The following S100Z variants were observed in gnomAD, a reference collection of about 807,000 sequenced individuals.
S100Z encodes S100 calcium binding protein Z.
In S100Z, 11 loss-of-function variants were observed where a neutral mutation model predicts 8.5. The ratio of observed to expected loss-of-function variants is 1.30; its 90% confidence interval spans 0.82 to 2.15. The LOEUF is 2.15. Among genes scored for constraint, S100Z ranks in the 30% most tolerant of loss-of-function variants. The pLI is 0.00. For synonymous variants in S100Z, 34 were observed against 43.8 expected (o/e 0.78, Z 0.89); for missense variants, 126 against 117.9 (o/e 1.07, Z -0.32).
intron 4 of S100Z, among the ~76,000 whole-genome samples, chr5:76,886,841 C>T (rs1042570319): frequency 1.4e-4 from 22 of 152,050 alleles, no homozygotes; most frequent in Admixed American, 6.5e-4. Context: ...AGGGTTGGGG[C>T]GATTACAAAG....
chr5:76,926,757 A>G, the S100Z span, among the ~76,000 whole-genome samples: 1 of 152,248 alleles, frequency 6.6e-6, no homozygotes, highest in Non-Finnish European at 1.5e-5. Context: ...TTCTCTTCTC[A>G]GGAATTGACA....
At chr5:76,932,778 C>G in the S100Z span, among the ~76,000 whole-genome samples, 1 of 152,020 alleles carries the variant, frequency 6.6e-6, no homozygotes, top group Non-Finnish European at 1.5e-5. Context: ...ATTTTTTCAT[C>G]AACGCTTTAA....
the S100Z span, among the ~76,000 whole-genome samples, chr5:76,941,325 G>A: frequency 1.3e-5 from 2 of 152,060 alleles, no homozygotes; most frequent in Non-Finnish European, 2.9e-5. Context: ...GGAGGGACCC[G>A]GCAGGAAGTA....
At chr5:76,919,798 C>T (rs998268039) in intron 4 of S100Z, among the ~76,000 whole-genome samples, 1 of 151,714 alleles carries the variant, frequency 6.6e-6, no homozygotes, top group Non-Finnish European at 1.5e-5. Context: ...GAGATGAGAT[C>T]TCATCATCCT....
chr5:76,952,346 C>T, the S100Z span, among the ~76,000 whole-genome samples: 1 of 152,204 alleles, frequency 6.6e-6, no homozygotes, highest in South Asian at 2.1e-4. Context: ...GGAGTGTGTA[C>T]ATCATGTAAA....
intron 1 of S100Z, among the ~76,000 whole-genome samples, chr5:76,858,574 C>T (rs1488172774): frequency 4.0e-5 from 6 of 151,642 alleles, no homozygotes; most frequent in African/African-American, 9.7e-5. Context: ...TTAAGTCCAG[C>T]GTGCCCATCA....
Position 76,909,111 on chromosome 5 carries a change from C to T in S100Z, c.*3-11606C>T, listed in dbSNP as rs181144832. 1.4e-3 allele frequency among the ~76,000 whole-genome samples: 206 copies of T among 152,240 alleles called. 1 individual carries two copies. Among genetic ancestry groups the T allele is most frequent in the African/African-American group, 4.5e-3 (188 of 41,564 alleles). The stretch of plus-strand genomic sequence containing the variant: ...TGGGTTCTTGGACAAGAGGTGTTTT[C>T]GGCTACTGCATCGGTGAGCACAGCT... On this transcript the variant is annotated intron_variant, in intron 4 of 4. Coordinates refer to ENST00000317593, the MANE Select transcript of S100Z (RefSeq NM_130772.4).
intron 4 of S100Z, among the ~76,000 whole-genome samples, chr5:76,884,737 A>T (rs1220587969): frequency 6.6e-6 from 1 of 152,022 alleles, no homozygotes; most frequent in Non-Finnish European, 1.5e-5. Context: ...TGAGGAGGGG[A>T]GGTGATAGAA....
downstream of S100Z, among the ~76,000 whole-genome samples, chr5:76,922,519 GTTGTTTGT>G (rs70982665): frequency 1.3e-5 from 2 of 151,494 alleles, no homozygotes; most frequent in African/African-American, 4.8e-5. Context: ...TTTTTTTGTT[GTTGTTTGT>G]TTGTTTGTTT....
At chr5:76,882,074 G>A (rs923654023) in intron 4 of S100Z, among the ~76,000 whole-genome samples, 3 of 152,212 alleles carry the variant, frequency 2.0e-5, no homozygotes, top group Non-Finnish European at 2.9e-5. Flanking sequence ...TTGCAAGAGT[G>A]AGGGCTTGAG....
At chr5:76,906,974 GTGTATATATATATATATA>G (rs1365319292) in intron 4 of S100Z, among the ~76,000 whole-genome samples, 3 of 114,718 alleles carry the variant, frequency 2.6e-5, no homozygotes, top group African/African-American at 1.6e-4. Flanking sequence ...CATTGTGTGT[GTGTATATATATATATATA>G]TATATATATA....
chr5:76,860,861 A>C (rs1751035367), intron 1 of S100Z, among the ~76,000 whole-genome samples: 1 of 152,078 alleles, frequency 6.6e-6, no homozygotes, highest in Non-Finnish European at 1.5e-5. Context: ...GCTTTTTGAG[A>C]GGCCACGCAT....
At chr5:76,949,387 TC>T in the S100Z span, among the ~76,000 whole-genome samples, 15,442 of 148,422 alleles carry the variant, frequency 0.1, 889 homozygotes, top group African/African-American at 0.16. Context: ...AGACTCCATC[TC>T]AAAAAAAAAA....
intron 1 of S100Z, among the ~76,000 whole-genome samples, chr5:76,851,102 A>G (rs985463057): frequency 2.6e-5 from 4 of 152,218 alleles, no homozygotes; most frequent in Admixed American, 2.6e-4. Flanking sequence ...GTCTAGAGGA[A>G]AGCATGAGGT....
chr5:76,914,419 G>A (rs1207405143), intron 4 of S100Z, among the ~76,000 whole-genome samples: 1 of 150,742 alleles, frequency 6.6e-6, no homozygotes, highest in Non-Finnish European at 1.5e-5. Context: ...TCAGCTCTCT[G>A]TAAAATGGAC....
chr5:76,947,415 T>C, the S100Z span, among the ~76,000 whole-genome samples: 1 of 152,242 alleles, frequency 6.6e-6, no homozygotes. Flanking sequence ...GCTTCGTTTC[T>C]TCCTTCCTGA....
At chr5:76,941,023 CCTGA>C in the S100Z span, among the ~76,000 whole-genome samples, 7 of 152,018 alleles carry the variant, frequency 4.6e-5, no homozygotes, top group South Asian at 6.2e-4. Context: ...TCTGGAGAAC[CCTGA>C]CTAATACAGT....
intron 1 of S100Z, among the ~76,000 whole-genome samples, chr5:76,857,359 A>T (rs984825409): frequency 2.6e-5 from 4 of 152,142 alleles, no homozygotes; most frequent in African/African-American, 9.7e-5. Context: ...AGGAATAGGG[A>T]ACAGTATAAA....
At chr5:76,877,020 G>A (rs1226407893) in intron 3 of S100Z, among the ~76,000 whole-genome samples, 1 of 152,104 alleles carries the variant, frequency 6.6e-6, no homozygotes. Context: ...CCTCTCTTCT[G>A]TGTGTCAGGC....
Sources: gnomAD v4.1 joint callset for allele counts (sites outside exome capture counted in the v4.1 genomes callset) on GRCh38, gnomAD v4.1.1 for gene constraint, MANE v1.5 for transcripts, NCBI Gene and HGNC (gene_info 2026-07-23, HGNC 2026-07-21) for gene names.